Variants in MFSD6 observed in about 807,000 individuals in gnomAD.
The protein encoded by MFSD6 is major facilitator superfamily domain containing 6, also known as major facilitator superfamily domain-containing protein 6.
A neutral mutation model predicts 56.3 loss-of-function variants in MFSD6; 26 were observed. The ratio of observed to expected loss-of-function variants is 0.46; its 90% CI spans 0.34 to 0.64. The LOEUF (loss-of-function observed/expected upper bound fraction) is 0.64, where lower values mean the gene tolerates loss of function less well. MFSD6 is among the 30% of genes least tolerant of loss of function. The probability of loss-of-function intolerance (pLI) is 0.01; values close to 1 mark genes in which losing one functional copy is unlikely to be tolerated. For synonymous variants in MFSD6, 331 were observed against 366.9 expected, an observed-to-expected ratio of 0.90 and a Z score of 1.12; for missense variants, 750 against 986.2, an observed-to-expected ratio of 0.76 and a Z score of 3.21.
At position 190,451,082 on chromosome 2, in the gene MFSD6, G is replaced by A. The variant is rs1051507714; in HGVS notation, c.1532+13521G>A. 1.3e-5 allele frequency among the ~76,000 whole-genome samples: 2 copies of A among 152,164 alleles called. No homozygotes were observed. The highest frequency in any genetic ancestry group is 2.1e-4 in the South Asian group (1 of 4,828). On this transcript the variant is annotated intron_variant, in intron 3 of 7. Coordinates refer to ENST00000392328, the MANE Select transcript of MFSD6 (RefSeq NM_017694.4). The surrounding 1 kb of genome is among the most constrained non-coding windows in gnomAD (Gnocchi z 5.0). ...CATCATCCTAAGCCCTGGTAGGATC[G>A]TTGAGTAGTGTAGTAGTTACCCTGT...
chr2:190,440,058 A>T (rs1407589858), intron 3 of MFSD6, among the ~76,000 whole-genome samples: 4 of 152,200 alleles, frequency 2.6e-5, no homozygotes, highest in Non-Finnish European at 4.4e-5. Context: ...ACAGAAGTAG[A>T]TCTGCCCATG....
rs912107362 is a variant in MFSD6, at chr2:190,434,625, G to C, written c.-53-1352G>C. On this transcript the variant is annotated intron_variant, in intron 2 of 7. Transcript: ENST00000392328. The surrounding 1 kb of genome is among the most constrained non-coding windows in gnomAD (Gnocchi z 4.3). The stretch of plus-strand genomic sequence containing the variant: ...ATTCTTGTACTTTTAGTAGAAACGG[G>C]GTTTCACCATGTTGGCCAGGATGGT... Among the ~76,000 whole-genome samples the C allele has an allele frequency of 6.6e-6, 1 of 152,046 alleles. No individual in the cohort carries two copies. The highest frequency in any genetic ancestry group is 6.5e-5 in the Admixed American group (1 of 15,270).
chr2:190,473,120 T>C (rs1434540623), intron 4 of MFSD6, among the ~76,000 whole-genome samples: 6 of 152,124 alleles, frequency 3.9e-5, no homozygotes, highest in South Asian at 2.1e-4. Flanking sequence ...CGGTACCAGC[T>C]ACTGCAAAAA....
In MFSD6 at chr2:190,488,576, A is replaced by G. The variant is rs1245563552; in HGVS notation, c.1631-81A>G. On this transcript the variant is annotated intron_variant, in intron 4 of 7. Coordinates refer to ENST00000392328, the MANE Select transcript of MFSD6 (RefSeq NM_017694.4). The surrounding 1 kb of genome is among the most constrained non-coding windows in gnomAD (Gnocchi z 6.4). Reference sequence around the variant, plus strand: ...CAACAAATCTTAAAAATAGGTGCCTAGTTAAATAATTCACATTTCAAAACA... The same window carrying G: ...CAACAAATCTTAAAAATAGGTGCCTGGTTAAATAATTCACATTTCAAAACA... 1 of 1,196,514 alleles carries G rather than the reference A, an allele frequency of 8.4e-7. No individual in the cohort carries two copies. 74.1% of individuals were successfully genotyped at this position (1,196,514 alleles called of 1,614,324 possible).
chr2:190,444,217 C>T (rs918727723), intron 3 of MFSD6, among the ~76,000 whole-genome samples: 1 of 152,156 alleles, frequency 6.6e-6, no homozygotes, highest in Non-Finnish European at 1.5e-5. Context: ...TTTCTTAGCA[C>T]TGGTGAAATG....
chr2:190,470,215 T>G (rs1011474238), intron 4 of MFSD6, among the ~76,000 whole-genome samples: 3 of 152,262 alleles, frequency 2.0e-5, no homozygotes, highest in African/African-American at 7.2e-5. Flanking sequence ...GTTTTGTAGG[T>G]TAACTATAGT....
intron 3 of MFSD6, among the ~76,000 whole-genome samples, chr2:190,440,726 C>T (rs1029446072): frequency 6.6e-6 from 1 of 152,190 alleles, no homozygotes; most frequent in Non-Finnish European, 1.5e-5. Context: ...GAAATTCTTA[C>T]ACTCAAGGTC....
chr2:190,443,305 C>CT lies in MFSD6; in HGVS notation c.1532+5749dup, dbSNP rs1480765747. 6.6e-6 allele frequency among the ~76,000 whole-genome samples: 1 copy of CT among 152,136 alleles called. No individual in the cohort carries two copies. The highest frequency in any genetic ancestry group is 1.5e-5 in the Non-Finnish European group (1 of 68,020). ...ATATGGCCTTGGACAAGTTACAGAA[C>CT]TTTTTGCATCTCTGTATTGTTATCT... On this transcript the variant is annotated intron_variant, in intron 3 of 7. Coordinates refer to ENST00000392328, the MANE Select transcript of MFSD6 (RefSeq NM_017694.4). The surrounding 1 kb of genome is among the most constrained non-coding windows in gnomAD (Gnocchi z 4.2).
Position 190,459,477 on chromosome 2 carries a change from G to T in MFSD6, c.1533-10281G>T, listed in dbSNP as rs576208055. ...GAAATTTTTAAACAAAATTGTAGGG[G>T]GTGTGTGTGTGAATATGTTCAGTCA... On this transcript the variant is annotated intron_variant, in intron 3 of 7. Coordinates refer to ENST00000392328, the MANE Select transcript of MFSD6 (RefSeq NM_017694.4). This position sits in a 1 kb window ranked among gnomAD's most constrained non-coding sequence, Gnocchi z 5.3. Among the ~76,000 whole-genome samples, 571 of 152,140 alleles carry T rather than the reference G, an allele frequency of 3.8e-3. No individual in the cohort carries two copies. Among genetic ancestry groups the T allele is most frequent in the African/African-American group, 0.012 (508 of 41,518 alleles).
In MFSD6 at chr2:190,498,349, C is replaced by T. The variant is rs1254405803; in HGVS notation, c.2172+630C>T. Among the ~76,000 whole-genome samples the T allele has an allele frequency of 2.6e-5, 4 of 152,158 alleles. No homozygotes were observed. The South Asian group carries it at 8.3e-4, about 32-fold the overall frequency. On this transcript the variant is annotated intron_variant, in intron 7 of 7. Coordinates refer to ENST00000392328, the MANE Select transcript of MFSD6 (RefSeq NM_017694.4). The surrounding 1 kb of genome is among the most constrained non-coding windows in gnomAD (Gnocchi z 5.9). The stretch of plus-strand genomic sequence containing the variant: ...TTTAGCCAAAGAAATAGGCTCAGTT[C>T]CCCCATCTCATGATAATCACTCCCT...
At chr2:190,449,236 G>A (rs1349531968) in intron 3 of MFSD6, among the ~76,000 whole-genome samples, 1 of 152,228 alleles carries the variant, frequency 6.6e-6, no homozygotes, top group Non-Finnish European at 1.5e-5. Flanking sequence ...CACTTTGGCA[G>A]GCTGAGGCAG....
chr2:190,441,524 C>T (rs1167696805), intron 3 of MFSD6, among the ~76,000 whole-genome samples: 2 of 152,018 alleles, frequency 1.3e-5, no homozygotes, highest in Non-Finnish European at 1.5e-5. Flanking sequence ...TTTCTCTTTC[C>T]AGCTCATGCA....
chr2:190,429,777 A>G (rs1685904185), intron 2 of MFSD6, among the ~76,000 whole-genome samples: 1 of 152,138 alleles, frequency 6.6e-6, no homozygotes, highest in Admixed American at 6.5e-5. Context: ...TTTTAAACCT[A>G]TAATCTACCT....
At chr2:190,411,575 CTTATT>C (rs1690568432) in intron 1 of MFSD6, 1 of 980,436 alleles carries the variant, frequency 1.0e-6, no homozygotes, top group African/African-American at 1.8e-5. Context: ...CATGTGTTCT[CTTATT>C]ATATAAACTA....
rs1190518392 is a variant in MFSD6, at chr2:190,439,342, C to G, written c.1532+1781C>G. On this transcript the variant is annotated intron_variant, in intron 3 of 7. Transcript: ENST00000392328. The surrounding 1 kb of genome is among the most constrained non-coding windows in gnomAD (Gnocchi z 5.8). ...TCAGTACAGAGTATGTGTTTAGGTT[C>G]TATTTTCTTTTTTTTCACGTTTTAT... 6.6e-6 allele frequency among the ~76,000 whole-genome samples: 1 copy of G among 151,738 alleles called. No homozygotes were observed. The highest frequency in any genetic ancestry group is 1.5e-5 in the Non-Finnish European group (1 of 67,972).
At position 190,459,302 on chromosome 2, in the gene MFSD6, G is replaced by A. The variant is rs373096014; in HGVS notation, c.1533-10456G>A. On this transcript the variant is annotated intron_variant, in intron 3 of 7. Coordinates refer to ENST00000392328, the MANE Select transcript of MFSD6 (RefSeq NM_017694.4). This position sits in a 1 kb window ranked among gnomAD's most constrained non-coding sequence, Gnocchi z 5.3. Reference sequence around the variant, plus strand: ...ATGACATTGCTTCAACCTGAGTTTCGATGAACTTGTTCAGCTTCGTCAAAT... The same window carrying A: ...ATGACATTGCTTCAACCTGAGTTTCAATGAACTTGTTCAGCTTCGTCAAAT... 2.5e-4 allele frequency among the ~76,000 whole-genome samples: 38 copies of A among 152,236 alleles called. No individual in the cohort carries two copies. In the East Asian group the frequency reaches 3.1e-3, roughly 12 times the overall value.
Position 190,437,510 on chromosome 2 carries a change from T to C in MFSD6, c.1481T>C (p.Leu494Pro). 6.2e-7 allele frequency: 1 copy of C among 1,614,180 alleles called. No individual in the cohort carries two copies. Among genetic ancestry groups the C allele is most frequent in the Non-Finnish European group, 8.5e-7 (1 of 1,179,994 alleles). ...TCAGTCCTGAGTCATGTGTCTGAGC[T>C]GACAGCATATTTTTTTAGTCACAAG... The part of the protein sequence containing the change: ...VCSVLSHVSE[L>P]TAYFFSHKLI... The change falls in exon 3 of 8, where the codon CTG (leucine) becomes CCG (proline). Residue 494 changes from leucine to proline, a missense_variant. Physicochemically the swap from Leu to Pro is moderately conservative, Grantham distance 98. Coordinates refer to ENST00000392328, the MANE Select transcript of MFSD6 (RefSeq NM_017694.4). The surrounding 1 kb of genome is among the most constrained non-coding windows in gnomAD (Gnocchi z 5.9).
At position 190,410,034 on chromosome 2, in the gene MFSD6, T is replaced by C. The variant is rs1366163684; in HGVS notation, c.-176+1531T>C. ...TGTGTCCTTCATGTTTACAGCAGTT[T>C]ATTTCTAAGGCACTTTCCATCTCTA... On this transcript the variant is annotated intron_variant, in intron 1 of 7. Coordinates refer to ENST00000392328, the MANE Select transcript of MFSD6 (RefSeq NM_017694.4). This position sits in a 1 kb window ranked among gnomAD's most constrained non-coding sequence, Gnocchi z 4.4. Among the ~76,000 whole-genome samples, 10 of 152,174 alleles carry C rather than the reference T, an allele frequency of 6.6e-5. No individual in the cohort carries two copies. The highest frequency in any genetic ancestry group is 6.5e-4 in the Admixed American group (10 of 15,278).
At chr2:190,445,086 G>C (rs1490342333) in intron 3 of MFSD6, among the ~76,000 whole-genome samples, 2 of 152,120 alleles carry the variant, frequency 1.3e-5, no homozygotes, top group Non-Finnish European at 2.9e-5. Context: ...AACTGGCCTG[G>C]CTTCCATCCT....
Sources: gnomAD v4.1 joint callset for allele counts (sites outside exome capture counted in the v4.1 genomes callset) on GRCh38, gnomAD v4.1.1 for gene constraint, Gnocchi (gnomAD v3.1) non-coding constraint, MANE v1.5 for transcripts, NCBI Gene and HGNC (gene_info 2026-07-23, HGNC 2026-07-21) for gene names.